PAFAH1B2: variants seen among roughly 807,000 people sequenced by gnomAD.
PAFAH1B2 encodes the protein platelet-activating factor acetylhydrolase IB subunit alpha2.
PAFAH1B2 carries 8 observed loss-of-function variants against 28.0 expected under a neutral mutation model. The observed-to-expected ratio is 0.29, with a 90% CI of 0.17 to 0.52. The LOEUF is 0.52. Ranked by LOEUF, PAFAH1B2 falls within the 20% of genes least tolerant of loss-of-function variation. The pLI is 0.97. For synonymous variants in PAFAH1B2, 104 were observed against 103.2 expected (o/e 1.01, Z -0.05); for missense variants, 190 against 282.6 (o/e 0.67, Z 2.35).
chr11:117,157,368 CT>C (rs1434842461), intron 2 of PAFAH1B2, among the ~76,000 whole-genome samples: 4 of 151,944 alleles, frequency 2.6e-5, no homozygotes, highest in African/African-American at 9.7e-5. Context: ...TCTTGAACTC[CT>C]GAGCTCATGT....
downstream of PAFAH1B2, among the ~76,000 whole-genome samples, chr11:117,171,289 T>G (rs554955046): frequency 2.4e-4 from 36 of 152,318 alleles, no homozygotes; most frequent in South Asian, 4.6e-3. Context: ...TCTACTCTTT[T>G]CCATTAGATT....
intron 1 of PAFAH1B2, among the ~76,000 whole-genome samples, chr11:117,151,470 CT>C: frequency 6.6e-6 from 1 of 152,000 alleles, no homozygotes; most frequent in East Asian, 1.9e-4. Context: ...ACCTTGTGAC[CT>C]GCCTGCCTTG....
intron 2 of PAFAH1B2, among the ~76,000 whole-genome samples, chr11:117,152,810 C>T (rs1253990370): frequency 6.6e-6 from 1 of 152,212 alleles, no homozygotes; most frequent in East Asian, 1.9e-4. Flanking sequence ...TGGTGGCTCA[C>T]GCCTATAATC....
chr11:117,165,146 G>A (rs1440471311), intron 5 of PAFAH1B2, among the ~76,000 whole-genome samples: 1 of 151,364 alleles, frequency 6.6e-6, no homozygotes, highest in East Asian at 2.0e-4. Flanking sequence ...TAGTAGAGAT[G>A]GGGTTTCACC....
At chr11:117,171,573 A>C (rs1454941904), downstream of PAFAH1B2, 1 of 729,512 alleles carries the variant, frequency 1.4e-6, no homozygotes, top group Non-Finnish European at 2.4e-6. Flanking sequence ...TACAGCATAG[A>C]GGACATGAAC....
intron 2 of PAFAH1B2, among the ~76,000 whole-genome samples, chr11:117,156,028 T>C (rs1316493027): frequency 6.6e-6 from 1 of 151,666 alleles, no homozygotes; most frequent in South Asian, 2.1e-4. Flanking sequence ...CAACAAAAAA[T>C]AGAAAAAAAA....
In PAFAH1B2 at chr11:117,147,178, G is replaced by A. The variant is rs1956032078; in HGVS notation, c.-8+2760G>A. Among the ~76,000 whole-genome samples, 6 of 152,300 alleles carry A rather than the reference G, an allele frequency of 3.9e-5. No homozygotes were observed. The South Asian group carries it at 1.2e-3, about 32-fold the overall frequency. On this transcript the variant is annotated intron_variant, in intron 1 of 5. Coordinates refer to ENST00000527958, the MANE Select transcript of PAFAH1B2 (RefSeq NM_002572.4). ...CAGTACTCGGGATGCTGAGACGGGA[G>A]AATTGCTTGAACCCGAGAGGCGGAG...
At position 117,148,786 on chromosome 11, in the gene PAFAH1B2, A is replaced by G. The variant is rs563810198; in HGVS notation, c.-7-3655A>G. ...ATAATAAAGAGATCGTATAATTTAT[A>G]TAGATCATTGGTCTTGAAAGAGTGT... On this transcript the variant is annotated intron_variant, in intron 1 of 5. Transcript: ENST00000527958. Among the ~76,000 whole-genome samples the G allele has an allele frequency of 5.9e-5, 9 of 152,292 alleles. No individual in the cohort carries two copies. In the East Asian group the frequency reaches 9.6e-4, roughly 16 times the overall value.
At chr11:117,146,460 A>G (rs1956011820) in intron 1 of PAFAH1B2, among the ~76,000 whole-genome samples, 1 of 152,172 alleles carries the variant, frequency 6.6e-6, no homozygotes, top group Non-Finnish European at 1.5e-5. Context: ...ATAAGAGCAG[A>G]TAATTCTTCG....
chr11:117,158,379 CAG>C (rs1487048478), intron 2 of PAFAH1B2, among the ~76,000 whole-genome samples: 1 of 151,640 alleles, frequency 6.6e-6, no homozygotes, highest in East Asian at 2.0e-4. Flanking sequence ...GCCTTTATAA[CAG>C]AAAGAGGCAC....
chr11:117,151,656 GTTTA>G (rs1229038252), intron 1 of PAFAH1B2, among the ~76,000 whole-genome samples: 1 of 151,994 alleles, frequency 6.6e-6, no homozygotes, highest in Non-Finnish European at 1.5e-5. Flanking sequence ...TTTGTGTGAT[GTTTA>G]TTTAGTAACC....
chr11:117,175,955 T>C (rs1314085652), downstream of PAFAH1B2: 5 of 1,530,480 alleles, frequency 3.3e-6, no homozygotes, highest in Admixed American at 3.9e-5. Context: ...AAAGTCCAGA[T>C]GGACTGAGGA....
chr11:117,149,968 A>G (rs573809139), intron 1 of PAFAH1B2, among the ~76,000 whole-genome samples: 40 of 152,154 alleles, frequency 2.6e-4, no homozygotes, highest in Middle Eastern at 3.4e-3. Flanking sequence ...GTGGCGGTGC[A>G]TGCCTGTAGT....
At chr11:117,155,985 G>A (rs909752191) in intron 2 of PAFAH1B2, among the ~76,000 whole-genome samples, 4 of 152,094 alleles carry the variant, frequency 2.6e-5, no homozygotes, top group South Asian at 2.1e-4. Context: ...GAGGCCAGAA[G>A]TGCAGCCTAG....
downstream of PAFAH1B2, chr11:117,171,192 T>C (rs2134227623): frequency 2.1e-6 from 1 of 466,534 alleles, no homozygotes; most frequent in South Asian, 9.5e-5. Context: ...GGCTGACTCA[T>C]CACTTACCTT....
chr11:117,150,268 C>T (rs1428029708), intron 1 of PAFAH1B2, among the ~76,000 whole-genome samples: 1 of 152,184 alleles, frequency 6.6e-6, no homozygotes, highest in South Asian at 2.1e-4. Flanking sequence ...CTGCCCCAGT[C>T]TCCTGAGTAG....
chr11:117,175,940 A>G (rs1170327613), downstream of PAFAH1B2: 3 of 1,534,940 alleles, frequency 2.0e-6, no homozygotes, highest in South Asian at 2.4e-5. Flanking sequence ...GATTACCATG[A>G]AAGAAAAGTC....
intron 2 of PAFAH1B2, among the ~76,000 whole-genome samples, chr11:117,158,133 A>G (rs1019711634): frequency 1.3e-5 from 2 of 152,166 alleles, no homozygotes; most frequent in African/African-American, 2.4e-5. Context: ...GTGAGATTCC[A>G]TCTCCAAAAA....
chr11:117,146,814 A>G (rs12420725), intron 1 of PAFAH1B2, among the ~76,000 whole-genome samples: 7,985 of 149,016 alleles, frequency 0.054, 254 homozygotes, highest in Middle Eastern at 0.1. Flanking sequence ...CAGCCTGAAC[A>G]ATATGGTGAG....
Sources: allele counts gnomAD v4.1 joint callset (sites outside exome capture counted in the v4.1 genomes callset), GRCh38; gene constraint gnomAD v4.1.1; transcripts MANE v1.5; gene names NCBI Gene and HGNC (gene_info 2026-07-23, HGNC 2026-07-21).